Variants in EXPH5 observed in about 807,000 individuals in gnomAD.
EXPH5 encodes the protein exophilin-5.
A neutral mutation model predicts 41.1 loss-of-function variants in EXPH5; 42 were observed. That is an observed-to-expected ratio of 1.02 (90% CI 0.80 to 1.32). EXPH5 has a LOEUF of 1.32. Among genes scored for constraint, EXPH5 ranks in the 40% most tolerant of loss-of-function variants. EXPH5 has a pLI of 0.00. For missense variants in EXPH5, 2,298 were observed against 2,314.5 expected (o/e 0.99, Z 0.15); for synonymous variants, 798 against 833.5 (o/e 0.96, Z 0.73).
rs1461971357 is a variant in EXPH5, at chr11:108,512,079, A to T, written c.3428T>A (p.Leu1143Ter). ...STGREGRKKP[L>*]TSGMDASELT... ...CTCAGAAGCATCCATGCCTGAGGTCAATGGCTTTTTTCTTCCTTCTCTTCC... is the reference window on the plus strand; with the variant it reads ...CTCAGAAGCATCCATGCCTGAGGTCTATGGCTTTTTTCTTCCTTCTCTTCC... The change falls in exon 6 of 6, where the codon TTG (leucine) becomes TAG (stop). Residue 1143 changes from leucine to a stop codon, truncating the protein, a stop_gained. Transcript: ENST00000265843. LOFTEE classifies it low-confidence loss of function (END_TRUNC). 1 of 1,612,442 alleles carries T rather than the reference A, an allele frequency of 6.2e-7. No homozygotes were observed. The highest frequency in any genetic ancestry group is 8.5e-7 in the Non-Finnish European group (1 of 1,179,424).
the EXPH5 span, among the ~76,000 whole-genome samples, chr11:108,607,024 G>A: frequency 1.3e-5 from 2 of 152,124 alleles, no homozygotes; most frequent in Non-Finnish European, 2.9e-5. Flanking sequence ...CTCTGTCTCA[G>A]GAAGTTCTTT....
At chr11:108,562,442 A>C (rs2852195) in intron 1 of EXPH5, among the ~76,000 whole-genome samples, 71,856 of 150,818 alleles carry the variant, frequency 0.48, 20,525 homozygotes, top group East Asian at 0.72. Flanking sequence ...ACAACAACAA[A>C]AAAAAAGAAT....
At chr11:108,554,056 C>A (rs979073964) in intron 1 of EXPH5, among the ~76,000 whole-genome samples, 4 of 149,774 alleles carry the variant, frequency 2.7e-5, no homozygotes, top group Non-Finnish European at 4.4e-5. Flanking sequence ...TGAATGTGGC[C>A]CCTGACCTTT....
chr11:108,559,289 T>C (rs2094002242), intron 1 of EXPH5, among the ~76,000 whole-genome samples: 1 of 152,242 alleles, frequency 6.6e-6, no homozygotes, highest in Non-Finnish European at 1.5e-5. Context: ...TGCGTCCCTC[T>C]TATTCCCCTT....
At chr11:108,555,611 T>A (rs2085398693) in intron 1 of EXPH5, among the ~76,000 whole-genome samples, 1 of 152,118 alleles carries the variant, frequency 6.6e-6, no homozygotes, top group African/African-American at 2.4e-5. Context: ...CATCTTGAAT[T>A]GTATTCTGAA....
At chr11:108,579,482 T>C (rs1224147234) in intron 1 of EXPH5, among the ~76,000 whole-genome samples, 3 of 151,946 alleles carry the variant, frequency 2.0e-5, no homozygotes, top group Non-Finnish European at 4.4e-5. Context: ...CCTCACTGTG[T>C]CTTTGTCTGG....
At chr11:108,567,113 A>G (rs2094038045) in intron 1 of EXPH5, among the ~76,000 whole-genome samples, 1 of 152,252 alleles carries the variant, frequency 6.6e-6, no homozygotes, top group South Asian at 2.1e-4. Context: ...AAATTAGTGA[A>G]CATTTAGTAG....
upstream of EXPH5, among the ~76,000 whole-genome samples, chr11:108,596,402 G>A (rs2094138967): frequency 6.6e-6 from 1 of 152,090 alleles, no homozygotes; most frequent in Non-Finnish European, 1.5e-5. Context: ...TTAAAAAGGA[G>A]GATTAAGAAA....
At chr11:108,562,340 C>T (rs1023164441) in intron 1 of EXPH5, among the ~76,000 whole-genome samples, 3 of 139,986 alleles carry the variant, frequency 2.1e-5, no homozygotes, top group Admixed American at 7.7e-5. Context: ...CGCCTATAAT[C>T]GCAGCACTTT....
chr11:108,534,264 GT>G lies in EXPH5; in HGVS notation c.443+4759del, dbSNP rs543204955. Among the ~76,000 whole-genome samples the G allele has an allele frequency of 9.2e-5, 14 of 152,318 alleles. No homozygotes were observed. The East Asian group carries it at 2.7e-3, about 29-fold the overall frequency. The stretch of plus-strand genomic sequence containing the variant: ...ACATGGAAATATGCCAAAGGGTAGT[GT>G]TTGTCCAGATGAACTGGCTTTGGGT... On this transcript the variant is annotated intron_variant, in intron 3 of 5. Transcript: ENST00000265843.
upstream of EXPH5, among the ~76,000 whole-genome samples, chr11:108,598,538 GA>G (rs2136137407): frequency 9.7e-5 from 1 of 10,338 alleles, no homozygotes; most frequent in Non-Finnish European, 1.2e-3. Context: ...AAAATTAACA[GA>G]GTGATATGGT....
the EXPH5 span, among the ~76,000 whole-genome samples, chr11:108,602,041 G>A: frequency 6.6e-6 from 1 of 152,196 alleles, no homozygotes; most frequent in Non-Finnish European, 1.5e-5. Flanking sequence ...GAGCCACTGT[G>A]CCTGCCCTGA....
intron 3 of EXPH5, among the ~76,000 whole-genome samples, chr11:108,529,804 A>G (rs2093825201): frequency 6.6e-6 from 1 of 151,404 alleles, no homozygotes. Context: ...AGATCACACC[A>G]TTGCACTCCA....
intron 3 of EXPH5, among the ~76,000 whole-genome samples, chr11:108,532,392 T>C (rs2093849017): frequency 9.5e-6 from 1 of 105,362 alleles, no homozygotes; most frequent in Admixed American, 9.3e-5. Context: ...TTTTTTTTTT[T>C]TTTGTAGAGA....
chr11:108,577,962 G>T (rs2094085318), intron 1 of EXPH5, among the ~76,000 whole-genome samples: 1 of 152,004 alleles, frequency 6.6e-6, no homozygotes, highest in South Asian at 2.1e-4. Context: ...TGAATAGCTT[G>T]CAAATATTTT....
In EXPH5 at chr11:108,510,426, C is replaced by T. The variant is rs943595474; in HGVS notation, c.5081G>A (p.Ser1694Asn). Reference protein sequence around the residue: ...STHVSNQKSNSISQRHQNEFK... With the variant: ...STHVSNQKSNNISQRHQNEFK... Reference sequence around the variant, plus strand: ...CTCATTCTGATGTCGTTGTGAAATGCTGTTAGACTTCTGGTTGCTGACGTG... The same window carrying T: ...CTCATTCTGATGTCGTTGTGAAATGTTGTTAGACTTCTGGTTGCTGACGTG... The change falls in exon 6 of 6, where the codon AGC becomes AAC. Residue 1694 changes from serine to asparagine, a missense_variant. Coordinates refer to ENST00000265843, the MANE Select transcript of EXPH5 (RefSeq NM_015065.3). 1 of 1,613,856 alleles carries T rather than the reference C, an allele frequency of 6.2e-7. No homozygotes were observed. Among genetic ancestry groups the T allele is most frequent in the African/African-American group, 1.3e-5 (1 of 74,908 alleles).
At chr11:108,543,194 C>G (rs1325707162) in intron 1 of EXPH5, among the ~76,000 whole-genome samples, 2 of 152,118 alleles carry the variant, frequency 1.3e-5, no homozygotes, top group East Asian at 3.8e-4. Flanking sequence ...GCCTGAAATC[C>G]TATTACTTTT....
At position 108,514,760 on chromosome 11, in the gene EXPH5, A is replaced by G. The variant is rs1591670025; in HGVS notation, c.747T>C (p.Gly249=). 2 of 1,611,442 alleles carry G rather than the reference A, an allele frequency of 1.2e-6. No individual in the cohort carries two copies. The highest frequency in any genetic ancestry group is 1.3e-5 in the African/African-American group (1 of 74,864). ...RTQFGHFYSS[G]NRHGNITERH... ...TTTCTGTGATATTACCATGTCTGTTACCACTGGAATAAAAGTGACCGAACT... is the reference window on the plus strand; with the variant it reads ...TTTCTGTGATATTACCATGTCTGTTGCCACTGGAATAAAAGTGACCGAACT... The change falls in exon 6 of 6, where the codon GGT becomes GGC. Residue 249 remains glycine, a synonymous_variant. Transcript: ENST00000265843.
intron 1 of EXPH5, among the ~76,000 whole-genome samples, chr11:108,569,531 G>A (rs2094050716): frequency 6.6e-6 from 1 of 152,002 alleles, no homozygotes; most frequent in Non-Finnish European, 1.5e-5. Context: ...GTAGAGACAG[G>A]GGTTTCACCA....
Sources: allele counts gnomAD v4.1 joint callset (sites outside exome capture counted in the v4.1 genomes callset), GRCh38; gene constraint gnomAD v4.1.1; transcripts MANE v1.5; gene names NCBI Gene and HGNC (gene_info 2026-07-23, HGNC 2026-07-21).